The following SUN1 variants were observed in gnomAD, a reference collection of about 807,000 sequenced individuals.
SUN1 encodes the protein SUN domain-containing protein 1.
In SUN1, 61 loss-of-function variants were observed where a neutral mutation model predicts 103.2. That is an observed-to-expected ratio of 0.59 (90% confidence interval 0.48 to 0.73). The LOEUF (loss-of-function observed/expected upper bound fraction) is 0.73. SUN1 is among the 30% of genes least tolerant of loss of function. The probability of loss-of-function intolerance (pLI) is 0.00; values close to 1 mark genes in which losing one functional copy is unlikely to be tolerated. For synonymous variants in SUN1, 490 were observed against 425.7 expected (o/e 1.15, Z -1.86); for missense variants, 1,052 against 1,034.6 (o/e 1.02, Z -0.23).
At chr7:834,368 C>T (rs971374521) in intron 1 of SUN1, among the ~76,000 whole-genome samples, 3 of 152,162 alleles carry the variant, frequency 2.0e-5, no homozygotes, top group Non-Finnish European at 2.9e-5. Context: ...CGGGGAGGTC[C>T]AGCTCTGGAT....
Position 825,539 on chromosome 7 carries a change from A to G in SUN1, c.-74+8866A>G, listed in dbSNP as rs578187296. ...TCACTTGTGTGTATGCGTGTATAAA[A>G]TATGTGGCATACAGCCCTTTCAAAT... On this transcript the variant is annotated intron_variant, in intron 1 of 17. Transcript: ENST00000389574. Among the ~76,000 whole-genome samples, 67 of 152,354 alleles carry G rather than the reference A, an allele frequency of 4.4e-4. No individual in the cohort carries two copies. The Middle Eastern group carries it at 0.017, about 39-fold the overall frequency.
intron 11 of SUN1, 139 bp from the exon 12 acceptor site, chr7:856,219 C>A: frequency 2.5e-6 from 2 of 796,828 alleles, no homozygotes; most frequent in Non-Finnish European, 4.1e-6. Flanking sequence ...ACACTTCCTA[C>A]CTGCCACCCA....
chr7:817,301 C>T (rs1483529218), intron 1 of SUN1: 2 of 893,632 alleles, frequency 2.2e-6, no homozygotes, highest in African/African-American at 1.6e-5. Flanking sequence ...CTCCATGCTG[C>T]CCAGGTCGGA....
intron 16 of SUN1, among the ~76,000 whole-genome samples, chr7:866,492 C>G (rs1036053953): frequency 5.3e-5 from 8 of 150,538 alleles, no homozygotes; most frequent in South Asian, 2.1e-4. Context: ...CTTCACCCCC[C>G]CATCCCTCCG....
At position 832,604 on chromosome 7, in the gene SUN1, G is replaced by T; in HGVS notation, c.77+3G>T. ...ACGGGCTACACGTATGCGCTCAGGT[G>T]AGTGTGCACCTGCACGTGGGGTCCT... On this transcript the variant is annotated splice_donor_region_variant and intron_variant, in intron 1 of 18. Transcript: ENST00000401592. 1 of 1,610,020 alleles carries T rather than the reference G, an allele frequency of 6.2e-7. No homozygotes were observed.
At chr7:859,603 G>A (rs148632536) in intron 13 of SUN1, among the ~76,000 whole-genome samples, 355 of 152,330 alleles carry the variant, frequency 2.3e-3, no homozygotes, top group African/African-American at 8.0e-3. Flanking sequence ...ATGAACGGTC[G>A]TGTCCTAGGA....
intron 1 of SUN1, among the ~76,000 whole-genome samples, chr7:825,768 C>G (rs189836606): frequency 1.3e-5 from 2 of 152,190 alleles, no homozygotes; most frequent in Admixed American, 6.5e-5. Context: ...TGGAAAACAT[C>G]TATTTCTAAG....
At chr7:825,302 T>A (rs1790644599) in intron 1 of SUN1, among the ~76,000 whole-genome samples, 1 of 152,198 alleles carries the variant, frequency 6.6e-6, no homozygotes, top group Non-Finnish European at 1.5e-5. Flanking sequence ...GACCTTGTGA[T>A]CCGCCCATCT....
Position 846,079 on chromosome 7 carries a change from T to A in SUN1, c.658+2559T>A, listed in dbSNP as rs532700918. Among the ~76,000 whole-genome samples the A allele has an allele frequency of 2.4e-4, 36 of 152,244 alleles. No individual in the cohort carries two copies. In the South Asian group the frequency reaches 7.1e-3, roughly 30 times the overall value. On this transcript the variant is annotated intron_variant, in intron 5 of 18. Coordinates refer to ENST00000401592, the MANE Select transcript of SUN1 (RefSeq NM_001130965.3). ...TTTGTATGTTAATTGAGGTTAACTTTATTCTTTTTGATGCCTGTACAGTTT... is the reference window on the plus strand; with the variant it reads ...TTTGTATGTTAATTGAGGTTAACTTAATTCTTTTTGATGCCTGTACAGTTT...
intron 1 of SUN1, chr7:817,199 A>C: frequency 1.8e-6 from 1 of 552,878 alleles, no homozygotes; most frequent in Non-Finnish European, 3.3e-6. Context: ...AGCGCGAGCT[A>C]TCCTCCCGCC....
chr7:839,305 G>A, intron 2 of SUN1: 1 of 285,046 alleles, frequency 3.5e-6, no homozygotes, highest in Non-Finnish European at 6.5e-6. Context: ...TGGGAGCTCA[G>A]CTACAGCTGT....
intron 11 of SUN1, among the ~76,000 whole-genome samples, chr7:855,594 AG>A (rs1195753043): frequency 6.6e-6 from 1 of 152,192 alleles, no homozygotes; most frequent in Non-Finnish European, 1.5e-5. Flanking sequence ...GGTGAGCCTA[AG>A]GGTTGTATGT....
intron 15 of SUN1, among the ~76,000 whole-genome samples, chr7:862,190 T>C (rs1832764117): frequency 6.6e-6 from 1 of 152,200 alleles, no homozygotes; most frequent in East Asian, 1.9e-4. Flanking sequence ...TTTTTAAATG[T>C]AGGATTTGCA....
intron 2 of SUN1, 105 bp from the exon 3 acceptor site, chr7:841,841 T>C: frequency 7.8e-7 from 1 of 1,282,546 alleles, no homozygotes; most frequent in Non-Finnish European, 1.1e-6. Context: ...TGGTTTGCCT[T>C]AAAATGCTGT....
chr7:874,712 TGATTTGG>T lies in SUN1; in HGVS notation c.*1390_*1396del, dbSNP rs757523458. 1 of 152,240 alleles carries T rather than the reference TGATTTGG, an allele frequency of 6.6e-6. No homozygotes were observed. The allele number at this position is 152,240 out of a possible 1,614,324, so 9.4% of individuals were successfully genotyped here. A position where few individuals can be genotyped will look rare whatever the true frequency, so the allele number is the denominator to read the frequency against. On this transcript the variant is annotated 3_prime_UTR_variant, in exon 19 of 19. Coordinates refer to ENST00000401592, the MANE Select transcript of SUN1 (RefSeq NM_001130965.3). ...TAAATCAAAATTTCCTATATAAAACTGATTTGGGATTTGGGGTGGAAATATTTTGAAT... is the reference window on the plus strand; with the variant it reads ...TAAATCAAAATTTCCTATATAAAACTGATTTGGGGTGGAAATATTTTGAAT...
At chr7:857,063 G>A (rs1182810849) in intron 12 of SUN1, among the ~76,000 whole-genome samples, 5 of 152,196 alleles carry the variant, frequency 3.3e-5, no homozygotes, top group African/African-American at 1.2e-4. Flanking sequence ...CCCCTTAAGT[G>A]GGGTGCTTGC....
Position 843,462 on chromosome 7 carries a change from G to C in SUN1, c.600G>C (p.Ala200=). The C allele has an allele frequency of 6.2e-7, 1 of 1,614,088 alleles. No homozygotes were observed. The highest frequency in any genetic ancestry group is 1.6e-4 in the Middle Eastern group (1 of 6,062). Reference sequence around the variant, plus strand: ...CCGAGCGCAAGGACGTGCTCACGGCGCACCCCGCGGCCCCCGGGCCCGTGT... The same window carrying C: ...CCGAGCGCAAGGACGTGCTCACGGCCCACCCCGCGGCCCCCGGGCCCGTGT... The part of the protein sequence containing the change: ...MLSERKDVLT[A]HPAAPGPVSR... Residue 200 remains alanine, a synonymous_variant, in exon 5 of 19, where the codon GCG becomes GCC. Transcript: ENST00000401592.
chr7:850,062 C>G (rs1163374504), intron 5 of SUN1: 3 of 1,527,796 alleles, frequency 2.0e-6, no homozygotes, highest in Non-Finnish European at 2.6e-6. Context: ...TCCGTCTCAT[C>G]TCGCCCTGTC....
chr7:840,949 T>C (rs1192979938), intron 2 of SUN1, among the ~76,000 whole-genome samples: 1 of 151,502 alleles, frequency 6.6e-6, no homozygotes, highest in Non-Finnish European at 1.5e-5. Flanking sequence ...CCCTTATATT[T>C]TGAGACAGAG....
Sources: gnomAD v4.1 joint callset for allele counts (sites outside exome capture counted in the v4.1 genomes callset) on GRCh38, gnomAD v4.1.1 for gene constraint, MANE v1.5 for transcripts, NCBI Gene and HGNC (gene_info 2026-07-23, HGNC 2026-07-21) for gene names.